Variants in CPNE8 observed in about 807,000 individuals in gnomAD.
CPNE8 encodes the protein copine-8.
Under a neutral mutation model 81.5 loss-of-function variants are expected in CPNE8, and 45 were observed. That is an observed-to-expected ratio of 0.55 (90% confidence interval 0.44 to 0.71). CPNE8 has a LOEUF of 0.71. CPNE8 is among the 30% of genes least tolerant of loss of function. The pLI is 0.00. For synonymous variants in CPNE8, 252 were observed against 226.3 expected (o/e 1.11, Z -1.02); for missense variants, 594 against 672.1 (o/e 0.88, Z 1.28).
chr12:38,716,084 C>CTTCA (rs755154606), intron 13 of CPNE8, among the ~76,000 whole-genome samples: 15 of 151,692 alleles, frequency 9.9e-5, no homozygotes, highest in Non-Finnish European at 1.9e-4. Flanking sequence ...TAGGAATATG[C>CTTCA]TTCAGCAAGG....
chr12:38,796,490 G>A (rs1942476876), intron 6 of CPNE8, among the ~76,000 whole-genome samples: 1 of 152,106 alleles, frequency 6.6e-6, no homozygotes, highest in Non-Finnish European at 1.5e-5. Flanking sequence ...AGAAGAAAAA[G>A]TCATACTCTG....
chr12:38,827,059 T>C lies in CPNE8; in HGVS notation c.407+2320A>G, dbSNP rs186594008. Reference sequence around the variant, plus strand: ...TAGCAGGGTGCCACACGTGCGCCTGTAATCCCAGCTACTCGGGAGGCTGAG... The same window carrying C: ...TAGCAGGGTGCCACACGTGCGCCTGCAATCCCAGCTACTCGGGAGGCTGAG... On this transcript the variant is annotated intron_variant, in intron 6 of 19. Transcript: ENST00000331366. Among the ~76,000 whole-genome samples the C allele has an allele frequency of 1.4e-3, 211 of 148,092 alleles. 3 individuals are homozygous for C. Among genetic ancestry groups the C allele is most frequent in the Middle Eastern group, 7.0e-3 (2 of 284 alleles).
intron 5 of CPNE8, among the ~76,000 whole-genome samples, chr12:38,833,927 TAGGAGAAAAAGCAAGAACAA>T (rs1943341117): frequency 6.6e-6 from 1 of 151,934 alleles, no homozygotes; most frequent in African/African-American, 2.4e-5. Flanking sequence ...GCATTACAGA[TAGGAGAAAAAGCAAGAACAA>T]AGTCCCTGAG....
intron 6 of CPNE8, among the ~76,000 whole-genome samples, chr12:38,797,407 G>T (rs62154077): frequency 1.3e-5 from 2 of 152,264 alleles, no homozygotes; most frequent in East Asian, 1.9e-4. Context: ...CCGCTCTTCT[G>T]CAGACACGGC....
chr12:38,857,413 C>T (rs560983228), intron 3 of CPNE8, among the ~76,000 whole-genome samples: 16 of 152,194 alleles, frequency 1.1e-4, no homozygotes, highest in Admixed American at 3.3e-4. Flanking sequence ...AAGATGGAGT[C>T]GTTTCTCTAT....
At chr12:38,855,744 A>G (rs553925335) in intron 3 of CPNE8, among the ~76,000 whole-genome samples, 1 of 152,146 alleles carries the variant, frequency 6.6e-6, no homozygotes, top group Non-Finnish European at 1.5e-5. Flanking sequence ...AAAAATAATA[A>G]TAAGTAGGTG....
intron 6 of CPNE8, among the ~76,000 whole-genome samples, chr12:38,803,681 T>A (rs1942745987): frequency 6.7e-6 from 1 of 149,992 alleles, no homozygotes; most frequent in Non-Finnish European, 1.5e-5. Flanking sequence ...GAGAAGGAAA[T>A]AAAGGGTATT....
chr12:38,859,009 A>T (rs1943789120), intron 3 of CPNE8, among the ~76,000 whole-genome samples: 1 of 152,178 alleles, frequency 6.6e-6, no homozygotes, highest in Non-Finnish European at 1.5e-5. Flanking sequence ...TTGGTGAAAA[A>T]CTGAAAGCTT....
chr12:38,829,240 ATTAT>A, intron 6 of CPNE8, 135 bp downstream of exon 6: 1 of 619,498 alleles, frequency 1.6e-6, no homozygotes, highest in Non-Finnish European at 2.9e-6. Flanking sequence ...ATATGTCAAA[ATTAT>A]TTGTTAAAAG....
chr12:38,863,847 C>A (rs1033444664), intron 3 of CPNE8, among the ~76,000 whole-genome samples: 1 of 151,898 alleles, frequency 6.6e-6, no homozygotes, highest in Non-Finnish European at 1.5e-5. Flanking sequence ...GGTCGGAGAT[C>A]GAGACCATCC....
chr12:38,683,063 T>G (rs955484053), intron 16 of CPNE8, among the ~76,000 whole-genome samples: 1 of 152,186 alleles, frequency 6.6e-6, no homozygotes, highest in Non-Finnish European at 1.5e-5. Flanking sequence ...ATTTTATAAA[T>G]TTGATGCTTT....
At chr12:38,798,498 C>G (rs1485873572) in intron 6 of CPNE8, among the ~76,000 whole-genome samples, 6 of 151,936 alleles carry the variant, frequency 3.9e-5, no homozygotes, top group Non-Finnish European at 7.4e-5. Flanking sequence ...CAAGCAAATG[C>G]TGAGAGATGT....
Position 38,762,217 on chromosome 12 carries a change from C to A in CPNE8, c.576-1G>T. 1 of 1,544,800 alleles carries A rather than the reference C, an allele frequency of 6.5e-7. No homozygotes were observed. The highest frequency in any genetic ancestry group is 2.3e-5 in the East Asian group (1 of 43,968). On this transcript the variant is annotated splice_acceptor_variant, in intron 8 of 19. Coordinates refer to ENST00000331366, the MANE Select transcript of CPNE8 (RefSeq NM_153634.3). LOFTEE classifies it high-confidence loss of function. ...TTCTGTCTTGTGACAAATTGTAAAACTATAAAGAAAGAGTTTTCAGTTATT... is the reference window on the plus strand; with the variant it reads ...TTCTGTCTTGTGACAAATTGTAAAAATATAAAGAAAGAGTTTTCAGTTATT...
intron 19 of CPNE8, among the ~76,000 whole-genome samples, chr12:38,657,860 A>G (rs1168024472): frequency 6.6e-6 from 1 of 152,094 alleles, no homozygotes; most frequent in African/African-American, 2.4e-5. Context: ...AACATCAATA[A>G]AAAGGACATC....
At chr12:38,884,569 C>T (rs192988981) in intron 1 of CPNE8, among the ~76,000 whole-genome samples, 218 of 152,172 alleles carry the variant, frequency 1.4e-3, no homozygotes, top group Non-Finnish European at 2.5e-3. Flanking sequence ...TTGCTGGGTC[C>T]TATGGTAACA....
intron 10 of CPNE8, among the ~76,000 whole-genome samples, chr12:38,739,621 C>T (rs553228218): frequency 1.6e-4 from 24 of 152,230 alleles, no homozygotes; most frequent in African/African-American, 5.5e-4. Context: ...ACTTAGTAGG[C>T]TTTCTAATAA....
intron 6 of CPNE8, among the ~76,000 whole-genome samples, chr12:38,814,476 C>G (rs1461043046): frequency 6.6e-6 from 1 of 151,668 alleles, no homozygotes; most frequent in Admixed American, 6.6e-5. Flanking sequence ...ACCACAATGC[C>G]CAGCTAATCT....
intron 6 of CPNE8, among the ~76,000 whole-genome samples, chr12:38,793,285 TG>T (rs1420400007): frequency 6.6e-6 from 1 of 151,392 alleles, no homozygotes; most frequent in Non-Finnish European, 1.5e-5. Context: ...AAATTATCTC[TG>T]TTTACAGAAG....
chr12:38,721,102 G>A (rs1277579291), intron 13 of CPNE8: 1 of 153,006 alleles, frequency 6.5e-6, no homozygotes, highest in African/African-American at 2.4e-5. Context: ...CAGGTGCCAA[G>A]AAGAGCAGCA....
Sources: gnomAD v4.1 joint callset for allele counts (sites outside exome capture counted in the v4.1 genomes callset) on GRCh38, gnomAD v4.1.1 for gene constraint, MANE v1.5 for transcripts, NCBI Gene and HGNC (gene_info 2026-07-23, HGNC 2026-07-21) for gene names.